Variants in PCOLCE2 observed in about 807,000 individuals in gnomAD.
PCOLCE2 encodes the protein procollagen C-proteinase enhancer 2.
Under a neutral mutation model 47.0 loss-of-function variants are expected in PCOLCE2, and 42 were observed. That is an observed-to-expected ratio of 0.89 (90% CI 0.70 to 1.16). The LOEUF is 1.16. PCOLCE2 is among the 50% of genes most tolerant of loss of function. The pLI is 0.00. For synonymous variants in PCOLCE2, 169 were observed against 191.7 expected (o/e 0.88, Z 0.98); for missense variants, 500 against 526.1 (o/e 0.95, Z 0.49).
chr3:142,860,717 T>C (rs977024197), intron 2 of PCOLCE2, among the ~76,000 whole-genome samples: 1 of 152,236 alleles, frequency 6.6e-6, no homozygotes, highest in Non-Finnish European at 1.5e-5. Flanking sequence ...CCATGCCTTG[T>C]TCTTTAAGTT....
At chr3:142,856,312 G>A (rs1032158147) in intron 2 of PCOLCE2, among the ~76,000 whole-genome samples, 4 of 152,068 alleles carry the variant, frequency 2.6e-5, no homozygotes, top group African/African-American at 7.2e-5. Context: ...CTAGGCCCTC[G>A]AGCCCCTGTT....
chr3:142,848,787 C>A (rs1937357467), intron 2 of PCOLCE2, among the ~76,000 whole-genome samples: 1 of 152,134 alleles, frequency 6.6e-6, no homozygotes, highest in African/African-American at 2.4e-5. Flanking sequence ...GAATACCAGT[C>A]CTGATTGGAC....
Position 142,848,360 on chromosome 3 carries a change from C to G in PCOLCE2, c.305G>C (p.Arg102Pro). The G allele has an allele frequency of 1.2e-6, 2 of 1,614,130 alleles. No individual in the cohort carries two copies. The highest frequency in any genetic ancestry group is 1.7e-6 in the Non-Finnish European group (2 of 1,179,954). ...DVYNGHANGQRIGRFCGTFRP... is the reference protein window; with the variant it reads ...DVYNGHANGQPIGRFCGTFRP... The stretch of plus-strand genomic sequence containing the variant: ...GAAAGTGCCACAGAAGCGGCCAATG[C>G]GCTGGCCATTGGCATGGCCATTGTA... Residue 102 changes from arginine to proline, a missense_variant, in exon 3 of 9, where the codon CGC (arginine) becomes CCC (proline). Physicochemically the swap from Arg to Pro is moderately radical, Grantham distance 103 (BLOSUM62 -2). Transcript: ENST00000295992.
At chr3:142,884,072 A>G (rs938126417) in intron 2 of PCOLCE2, among the ~76,000 whole-genome samples, 1 of 152,142 alleles carries the variant, frequency 6.6e-6, no homozygotes, top group Non-Finnish European at 1.5e-5. Flanking sequence ...GTTGCAGTGA[A>G]ATACATCACA....
intron 6 of PCOLCE2, chr3:142,827,563 G>A: frequency 6.8e-7 from 1 of 1,474,372 alleles, no homozygotes; most frequent in Non-Finnish European, 9.5e-7. Context: ...TGCCCACAGG[G>A]AGCACACTGC....
At chr3:142,835,569 T>G (rs942964402) in intron 5 of PCOLCE2, among the ~76,000 whole-genome samples, 5 of 152,332 alleles carry the variant, frequency 3.3e-5, no homozygotes, top group Non-Finnish European at 7.3e-5. Context: ...TGTATTTATA[T>G]TGATTACAGT....
intron 6 of PCOLCE2, among the ~76,000 whole-genome samples, chr3:142,825,365 T>C (rs554228671): frequency 6.6e-6 from 1 of 152,210 alleles, no homozygotes; most frequent in Non-Finnish European, 1.5e-5. Context: ...TTAACTGTCA[T>C]CTGTCTCCTT....
intron 2 of PCOLCE2, among the ~76,000 whole-genome samples, chr3:142,866,646 G>A (rs1933287704): frequency 6.6e-6 from 1 of 152,120 alleles, no homozygotes; most frequent in Non-Finnish European, 1.5e-5. Flanking sequence ...AACTTGAGAT[G>A]AATCACAGAC....
At chr3:142,869,064 G>T (rs958398350) in intron 2 of PCOLCE2, among the ~76,000 whole-genome samples, 2 of 152,146 alleles carry the variant, frequency 1.3e-5, no homozygotes, top group East Asian at 3.9e-4. Flanking sequence ...GGCTGAGGCA[G>T]GTGGATCACG....
At chr3:142,860,744 T>G (rs932677026) in intron 2 of PCOLCE2, among the ~76,000 whole-genome samples, 5 of 152,234 alleles carry the variant, frequency 3.3e-5, no homozygotes, top group Admixed American at 3.3e-4. Flanking sequence ...GTTTTCTATG[T>G]GCCTATCACT....
At chr3:142,823,757 G>T in intron 6 of PCOLCE2, 142 bp from the exon 7 acceptor site, 1 of 598,184 alleles carries the variant, frequency 1.7e-6, no homozygotes. Flanking sequence ...TTAAAACCAC[G>T]CAAAATAAAT....
intron 7 of PCOLCE2, 45 bp downstream of exon 7, chr3:142,823,487 T>C: frequency 8.7e-7 from 1 of 1,151,010 alleles, no homozygotes. Flanking sequence ...GCATGCAGCC[T>C]CAAGTTTCTG....
intron 7 of PCOLCE2, among the ~76,000 whole-genome samples, chr3:142,822,279 G>A (rs965140169): frequency 1.3e-5 from 2 of 151,908 alleles, no homozygotes; most frequent in African/African-American, 4.8e-5. Context: ...TAGTTATTGT[G>A]ACAACCAAAA....
chr3:142,882,101 C>G (rs1412613676), intron 2 of PCOLCE2, among the ~76,000 whole-genome samples: 5 of 151,986 alleles, frequency 3.3e-5, no homozygotes, highest in Non-Finnish European at 5.9e-5. Flanking sequence ...ACAATCATAG[C>G]TCACTGCACC....
intron 2 of PCOLCE2, among the ~76,000 whole-genome samples, chr3:142,859,027 G>C (rs1313719584): frequency 1.3e-5 from 2 of 151,778 alleles, no homozygotes; most frequent in South Asian, 2.1e-4. Flanking sequence ...TCCCATTATA[G>C]CTAGGAGCCT....
At chr3:142,833,001 C>T (rs953383337) in intron 5 of PCOLCE2, among the ~76,000 whole-genome samples, 2 of 152,190 alleles carry the variant, frequency 1.3e-5, no homozygotes, top group Admixed American at 6.5e-5. Context: ...GCTCAATAGC[C>T]GCCGCCAGGG....
chr3:142,889,026 C>G lies in PCOLCE2; in HGVS notation c.-130G>C. 1 of 420,282 alleles carries G rather than the reference C, an allele frequency of 2.4e-6. No homozygotes were observed. Among genetic ancestry groups the G allele is most frequent in the Non-Finnish European group, 4.1e-6 (1 of 244,092 alleles). The allele number at this position is 420,282 out of a possible 1,614,324, so 26.0% of individuals were successfully genotyped here. A position where few individuals can be genotyped will look rare whatever the true frequency, so the allele number is the denominator to read the frequency against. ...TGGCTCACACCGGCGCTCGGCTGCCCGCGCGCTCCCTCTCACGCGCGCACC... is the reference window on the plus strand; with the variant it reads ...TGGCTCACACCGGCGCTCGGCTGCCGGCGCGCTCCCTCTCACGCGCGCACC... On this transcript the variant is annotated 5_prime_UTR_variant, in exon 1 of 9. Coordinates refer to ENST00000295992, the MANE Select transcript of PCOLCE2 (RefSeq NM_013363.4).
intron 2 of PCOLCE2, among the ~76,000 whole-genome samples, chr3:142,862,101 C>G (rs768640679): frequency 1.3e-5 from 2 of 152,170 alleles, no homozygotes; most frequent in Non-Finnish European, 2.9e-5. Flanking sequence ...GTTCCCAGAG[C>G]ATACTCCCTG....
At chr3:142,844,444 C>G (rs1317367459) in intron 3 of PCOLCE2, among the ~76,000 whole-genome samples, 1 of 152,114 alleles carries the variant, frequency 6.6e-6, no homozygotes, top group Non-Finnish European at 1.5e-5. Flanking sequence ...ACTGCTGGGC[C>G]AAGAGTCGAT....
Sources: gnomAD v4.1 joint callset for allele counts (sites outside exome capture counted in the v4.1 genomes callset) on GRCh38, gnomAD v4.1.1 for gene constraint, MANE v1.5 for transcripts, NCBI Gene and HGNC (gene_info 2026-07-23, HGNC 2026-07-21) for gene names.